RNF217: variants seen among roughly 807,000 people sequenced by gnomAD.
RNF217 encodes ring finger protein 217, also known as E3 ubiquitin-protein ligase RNF217.
In RNF217, 31 loss-of-function variants were observed where a neutral mutation model predicts 57.8. The ratio of observed to expected loss-of-function variants is 0.54; its 90% CI spans 0.40 to 0.72. RNF217 has a LOEUF of 0.72. RNF217 is among the 30% of genes least tolerant of loss of function. The pLI is 0.00. For synonymous variants in RNF217, 313 were observed against 294.0 expected (o/e 1.06, Z -0.66); for missense variants, 696 against 708.3 (o/e 0.98, Z 0.20).
rs903442359 is a variant in RNF217, at chr6:125,090,549, A to C, written c.*7612A>C. On this transcript the variant is annotated 3_prime_UTR_variant, in exon 6 of 6. Transcript: ENST00000521654. ...TGTATATTCAGAAATTACAGTTCTAAGGAATTATTGTCATCCTCTAAGTAT... is the reference window on the plus strand; with the variant it reads ...TGTATATTCAGAAATTACAGTTCTACGGAATTATTGTCATCCTCTAAGTAT... 2.0e-5 allele frequency: 3 copies of C among 151,698 alleles called. No homozygotes were observed. The highest frequency in any genetic ancestry group is 6.6e-5 in the Admixed American group (1 of 15,252). 9.4% of individuals were successfully genotyped at this position (151,698 alleles called of 1,614,324 possible). A position where few individuals can be genotyped will look rare whatever the true frequency, so the allele number is the denominator to read the frequency against.
intron 1 of RNF217, chr6:124,983,272 T>G: frequency 1.4e-6 from 1 of 708,434 alleles, no homozygotes; most frequent in Non-Finnish European, 1.7e-6. Flanking sequence ...AAAAGGCTTT[T>G]GTGTCTTGTG....
intron 3 of RNF217, among the ~76,000 whole-genome samples, chr6:125,068,226 G>C (rs1788008912): frequency 1.3e-5 from 2 of 152,096 alleles, no homozygotes; most frequent in Admixed American, 1.3e-4. Context: ...GATAATTAAA[G>C]AGTTTTAAAA....
intron 4 of RNF217, among the ~76,000 whole-genome samples, chr6:125,077,630 C>A (rs1344676230): frequency 6.6e-6 from 1 of 152,176 alleles, no homozygotes; most frequent in Non-Finnish European, 1.5e-5. Flanking sequence ...CGGAATATTT[C>A]TTCTTCTGCT....
At position 124,989,981 on chromosome 6, in the gene RNF217, G is replaced by A. The variant is rs148009694; in HGVS notation, c.882+26555G>A. On this transcript the variant is annotated intron_variant, in intron 1 of 5. Coordinates refer to ENST00000521654, the MANE Select transcript of RNF217 (RefSeq NM_001286398.3). ...TTCTTTATAATGTTTTGCAAAAGTTGTCTCCACTCCCATCTCTTATTTCCT... is the reference window on the plus strand; with the variant it reads ...TTCTTTATAATGTTTTGCAAAAGTTATCTCCACTCCCATCTCTTATTTCCT... 4.0e-5 allele frequency among the ~76,000 whole-genome samples: 6 copies of A among 151,470 alleles called. 1 individual carries two copies. Among genetic ancestry groups the A allele is most frequent in the African/African-American group, 1.4e-4 (6 of 41,380 alleles).
chr6:125,073,062 G>A lies in RNF217; in HGVS notation c.1282-3595G>A, dbSNP rs562528426. 3.9e-5 allele frequency among the ~76,000 whole-genome samples: 6 copies of A among 152,304 alleles called. No individual in the cohort carries two copies. In the South Asian group the frequency reaches 1.0e-3, roughly 26 times the overall value. ...TAGATCACCCACGACACTGCTATCA[G>A]TGTCAAATCAGGAAATTTGTTAAGT... On this transcript the variant is annotated intron_variant, in intron 3 of 5. Transcript: ENST00000521654.
chr6:125,034,611 G>C (rs1786522599), intron 1 of RNF217, among the ~76,000 whole-genome samples: 1 of 152,162 alleles, frequency 6.6e-6, no homozygotes, highest in Admixed American at 6.5e-5. Flanking sequence ...TTGTAGTATA[G>C]TTTGAAGTCA....
chr6:125,021,565 A>G (rs9401795), intron 1 of RNF217, among the ~76,000 whole-genome samples: 134,106 of 152,134 alleles, frequency 0.88, 60,299 homozygotes, highest in Non-Finnish European at 0.98. Context: ...GCACCCGGCC[A>G]GAAAATGCTT....
rs1783343614 is a variant in RNF217, at chr6:124,962,859, G to C, written c.315G>C (p.Leu105Phe). Residue 105 changes from leucine (L) to phenylalanine (F), a missense_variant, in exon 1 of 6, where the codon TTG becomes TTC. Coordinates refer to ENST00000521654, the MANE Select transcript of RNF217 (RefSeq NM_001286398.3). The surrounding 1 kb of genome is among the most constrained non-coding windows in gnomAD (Gnocchi z 4.6). ...ATCCCCAGACCTTGCCACTGCAGTT[G>C]GAGCTGGAGGAGGAAGAGGAGGAAG... ...PLNPQTLPLQLELEEEEEEAG... is the reference protein window; with the variant it reads ...PLNPQTLPLQFELEEEEEEAG... 6.3e-7 allele frequency: 1 copy of C among 1,598,078 alleles called. No homozygotes were observed. Among genetic ancestry groups the C allele is most frequent in the South Asian group, 1.1e-5 (1 of 91,080 alleles).
At chr6:125,078,066 T>A (rs1788443781) in intron 4 of RNF217, among the ~76,000 whole-genome samples, 1 of 152,180 alleles carries the variant, frequency 6.6e-6, no homozygotes, top group South Asian at 2.1e-4. Context: ...GGAACATAAT[T>A]TTCCACAGCC....
chr6:125,013,574 G>A (rs1413596), intron 1 of RNF217, among the ~76,000 whole-genome samples: 8,946 of 151,326 alleles, frequency 0.059, 918 homozygotes, highest in African/African-American at 0.21. Flanking sequence ...TAGTCTGAAA[G>A]CTTTGGCTGT....
intron 1 of RNF217, among the ~76,000 whole-genome samples, chr6:124,980,834 T>G (rs1350929797): frequency 6.6e-6 from 1 of 152,222 alleles, no homozygotes; most frequent in South Asian, 2.1e-4. Context: ...ACACTCTATA[T>G]TGATCATAAA....
chr6:125,070,564 T>G (rs1788095943), intron 3 of RNF217, among the ~76,000 whole-genome samples: 1 of 152,202 alleles, frequency 6.6e-6, no homozygotes, highest in Non-Finnish European at 1.5e-5. Flanking sequence ...GGTATCTCAT[T>G]GTGTTTTTAA....
intron 1 of RNF217, among the ~76,000 whole-genome samples, chr6:125,003,245 C>A (rs1267096552): frequency 6.6e-6 from 1 of 152,060 alleles, no homozygotes; most frequent in African/African-American, 2.4e-5. Context: ...TTAGCAGAAT[C>A]GAGAGGCTGT....
At chr6:125,030,660 C>T (rs976355094) in intron 1 of RNF217, among the ~76,000 whole-genome samples, 4 of 152,162 alleles carry the variant, frequency 2.6e-5, no homozygotes, top group African/African-American at 7.2e-5. Flanking sequence ...AGGTGGGTTC[C>T]CATGGTCTTG....
chr6:125,054,476 G>A (rs932940998), intron 2 of RNF217, among the ~76,000 whole-genome samples: 1 of 152,138 alleles, frequency 6.6e-6, no homozygotes, highest in Non-Finnish European at 1.5e-5. Flanking sequence ...CTTCTCCAGT[G>A]GTCTGCATTG....
chr6:125,047,654 A>C (rs1787148134), intron 2 of RNF217, among the ~76,000 whole-genome samples: 2 of 151,982 alleles, frequency 1.3e-5, no homozygotes, highest in South Asian at 4.1e-4. Context: ...GAATTCAACA[A>C]CACAATAAAT....
intron 2 of RNF217, among the ~76,000 whole-genome samples, chr6:125,052,917 A>T (rs1787382271): frequency 6.6e-6 from 1 of 152,032 alleles, no homozygotes; most frequent in South Asian, 2.1e-4. Flanking sequence ...ACATGCCAGG[A>T]TTATAGGAAC....
Position 125,091,559 on chromosome 6 carries a change from C to A in RNF217, c.*8622C>A, listed in dbSNP as rs1424965521. On this transcript the variant is annotated 3_prime_UTR_variant, in exon 6 of 6. Transcript: ENST00000521654. ...AACCTATACAAATGGATATTAAACA[C>A]CAGAAATTAAAGCCATTAAAATTGA... is the stretch of plus-strand genomic sequence containing the variant. The A allele has an allele frequency of 6.6e-6, 1 of 151,954 alleles. No homozygotes were observed. Among genetic ancestry groups the A allele is most frequent in the Non-Finnish European group, 1.5e-5 (1 of 67,968 alleles). 9.4% of individuals were successfully genotyped at this position (151,954 alleles called of 1,614,324 possible). A position where few individuals can be genotyped will look rare whatever the true frequency, so the allele number is the denominator to read the frequency against.
chr6:125,082,277 C>T (rs1437878211), intron 5 of RNF217, among the ~76,000 whole-genome samples: 1 of 152,012 alleles, frequency 6.6e-6, no homozygotes, highest in Admixed American at 6.6e-5. Context: ...GATCATTGTT[C>T]CATATATTAG....
Sources: gnomAD v4.1 joint callset for allele counts (sites outside exome capture counted in the v4.1 genomes callset) on GRCh38, gnomAD v4.1.1 for gene constraint, Gnocchi (gnomAD v3.1) non-coding constraint, MANE v1.5 for transcripts, NCBI Gene and HGNC (gene_info 2026-07-23, HGNC 2026-07-21) for gene names.